Variants in MSRA observed in about 807,000 individuals in gnomAD.
The protein encoded by MSRA is methionine sulfoxide reductase A, also known as mitochondrial peptide methionine sulfoxide reductase.
A neutral mutation model predicts 31.3 loss-of-function variants in MSRA; 54 were observed. The ratio of observed to expected loss-of-function variants is 1.73; its 90% confidence interval spans 1.39 to 2.17. The LOEUF (loss-of-function observed/expected upper bound fraction) is 2.17, where lower values mean the gene tolerates loss of function less well. MSRA is among the 30% of genes most tolerant of loss of function. The pLI is 0.00. For missense variants in MSRA, 507 were observed against 300.9 expected (o/e 1.69, Z -5.07); for synonymous variants, 169 against 116.5 (o/e 1.45, Z -2.90).
intron 1 of MSRA, chr8:10,096,430 G>T (rs1048947816): frequency 2.9e-6 from 1 of 340,736 alleles, no homozygotes; most frequent in Non-Finnish European, 4.2e-6. Flanking sequence ...TTCTCATTGT[G>T]AGAAGGAAAT....
At chr8:10,103,848 A>T (rs971605432) in intron 1 of MSRA, among the ~76,000 whole-genome samples, 1 of 77,106 alleles carries the variant, frequency 1.3e-5, no homozygotes, top group Non-Finnish European at 2.7e-5. Context: ...CTCAGATGTT[A>T]AAAAAAAAAA....
chr8:10,274,143 A>G (rs1331037448), intron 3 of MSRA, among the ~76,000 whole-genome samples: 2 of 152,198 alleles, frequency 1.3e-5, no homozygotes, highest in Non-Finnish European at 2.9e-5. Context: ...CAGAGCAGAG[A>G]AAGAAGGGTA....
intron 3 of MSRA, among the ~76,000 whole-genome samples, chr8:10,260,128 C>T (rs1798395837): frequency 1.3e-5 from 2 of 152,208 alleles, no homozygotes; most frequent in South Asian, 2.1e-4. Context: ...TATGATCTGT[C>T]AGAAGAAGTG....
At chr8:10,301,065 G>A (rs1053514912) in intron 3 of MSRA, among the ~76,000 whole-genome samples, 1 of 152,164 alleles carries the variant, frequency 6.6e-6, no homozygotes, top group African/African-American at 2.4e-5. Flanking sequence ...TCATGTGAAC[G>A]AGTGATCAGC....
At chr8:10,186,310 C>A (rs1478688607) in intron 1 of MSRA, among the ~76,000 whole-genome samples, 2 of 152,114 alleles carry the variant, frequency 1.3e-5, no homozygotes, top group Admixed American at 1.3e-4. Flanking sequence ...GCAGGCCATA[C>A]GGTTCCTGTC....
intron 1 of MSRA, among the ~76,000 whole-genome samples, chr8:10,200,957 C>T (rs955576115): frequency 1.3e-5 from 2 of 152,118 alleles, no homozygotes; most frequent in African/African-American, 4.8e-5. Context: ...GGGCCCGCTG[C>T]AGAGATGGGA....
intron 2 of MSRA, among the ~76,000 whole-genome samples, chr8:10,223,107 A>C (rs577934376): frequency 6.6e-6 from 1 of 152,338 alleles, no homozygotes; most frequent in African/African-American, 2.4e-5. Context: ...TAAATTTATA[A>C]AAAGTGACAC....
chr8:10,054,785 T>C, intron 1 of MSRA, 127 bp downstream of exon 1: 3 of 1,125,700 alleles, frequency 2.7e-6, no homozygotes, highest in East Asian at 3.5e-5. Context: ...GGGGTGGGGG[T>C]CTGCGCAGGC....
chr8:10,322,033 G>A (rs529380315), intron 5 of MSRA, among the ~76,000 whole-genome samples: 21 of 151,826 alleles, frequency 1.4e-4, no homozygotes, highest in East Asian at 9.7e-4. Flanking sequence ...TCCCTTTTTC[G>A]TAATGGCTTT....
chr8:10,156,080 G>C (rs778614429), intron 1 of MSRA, among the ~76,000 whole-genome samples: 1 of 152,186 alleles, frequency 6.6e-6, no homozygotes, highest in Non-Finnish European at 1.5e-5. Context: ...CCCCTGGGAA[G>C]AGTGGCTTCG....
intron 1 of MSRA, among the ~76,000 whole-genome samples, chr8:10,117,718 C>G (rs936628789): frequency 4.6e-5 from 7 of 152,130 alleles, no homozygotes; most frequent in African/African-American, 1.7e-4. Context: ...TTTTTGATAG[C>G]TGTGAGTATT....
intron 1 of MSRA, among the ~76,000 whole-genome samples, chr8:10,067,838 T>G (rs1797536104): frequency 6.6e-6 from 1 of 151,858 alleles, no homozygotes; most frequent in Non-Finnish European, 1.5e-5. Flanking sequence ...GTTCAAATCT[T>G]TTGCCCATAT....
At chr8:10,224,981 T>A (rs906558003) in intron 2 of MSRA, among the ~76,000 whole-genome samples, 1 of 152,030 alleles carries the variant, frequency 6.6e-6, no homozygotes, top group Admixed American at 6.5e-5. Context: ...CTACTATAAA[T>A]ACAAAAATAA....
intron 5 of MSRA, among the ~76,000 whole-genome samples, chr8:10,322,453 G>C (rs17151748): frequency 0.17 from 26,511 of 152,120 alleles, 2,628 homozygotes; most frequent in African/African-American, 0.26. Flanking sequence ...GTCAATAAGA[G>C]GGACAGGTCC....
At position 10,207,903 on chromosome 8, in the gene MSRA, T is replaced by C. The variant is rs1368473268; in HGVS notation, c.211+2T>C. ...AGGGAACACAGATGGCTGTATTTGG[T>C]AAGATATCAATTCTGAAAGAAAACC... On this transcript the variant is annotated splice_donor_variant, in intron 2 of 5. Transcript: ENST00000317173. LOFTEE classifies it high-confidence loss of function. 4.3e-6 allele frequency: 7 copies of C among 1,610,746 alleles called. No homozygotes were observed. Among genetic ancestry groups the C allele is most frequent in the Non-Finnish European group, 5.9e-6 (7 of 1,178,008 alleles).
At chr8:10,310,155 A>G (rs1325730263) in intron 4 of MSRA, among the ~76,000 whole-genome samples, 3 of 152,226 alleles carry the variant, frequency 2.0e-5, no homozygotes, top group Admixed American at 6.5e-5. Flanking sequence ...CAAGGAATCT[A>G]TCATCTGCAA....
At chr8:10,133,233 G>C (rs796232095) in intron 1 of MSRA, among the ~76,000 whole-genome samples, 4 of 152,302 alleles carry the variant, frequency 2.6e-5, no homozygotes, top group African/African-American at 9.6e-5. Context: ...GCTGCTGTTG[G>C]TTGAACATTA....
At chr8:10,059,822 G>C (rs1012131399) in intron 1 of MSRA, among the ~76,000 whole-genome samples, 2 of 152,196 alleles carry the variant, frequency 1.3e-5, no homozygotes, top group South Asian at 4.1e-4. Context: ...GTAGACGTTA[G>C]GTTATGAACA....
intron 1 of MSRA, among the ~76,000 whole-genome samples, chr8:10,175,561 G>A (rs1805977764): frequency 2.0e-5 from 3 of 152,200 alleles, no homozygotes; most frequent in Admixed American, 2.0e-4. Flanking sequence ...CTTTGGGTAT[G>A]GTTAAAATGA....
Sources: allele counts gnomAD v4.1 joint callset (sites outside exome capture counted in the v4.1 genomes callset), GRCh38; gene constraint gnomAD v4.1.1; transcripts MANE v1.5; gene names NCBI Gene and HGNC (gene_info 2026-07-23, HGNC 2026-07-21).